SCUBE1: variants seen among roughly 807,000 people sequenced by gnomAD.
SCUBE1 encodes the protein signal peptide, CUB and EGF-like domain-containing protein 1.
Under a neutral mutation model 124.4 loss-of-function variants are expected in SCUBE1, and 59 were observed. The ratio of observed to expected loss-of-function variants is 0.47; its 90% CI spans 0.38 to 0.59. SCUBE1 has a LOEUF of 0.59. SCUBE1 is among the 20% of genes least tolerant of loss of function. The pLI is 0.00. For missense variants in SCUBE1, 1,150 were observed against 1,371.2 expected (o/e 0.84, Z 2.55); for synonymous variants, 545 against 550.9 (o/e 0.99, Z 0.15).
At chr22:43,222,800 G>A in intron 11 of SCUBE1, 58 bp from the exon 12 acceptor site, 1 of 1,327,388 alleles carries the variant, frequency 7.5e-7, no homozygotes, top group Non-Finnish European at 1.1e-6. Flanking sequence ...ACGGCCCTCA[G>A]ATTCTTGGGG....
intron 3 of SCUBE1, among the ~76,000 whole-genome samples, chr22:43,300,159 T>A (rs982937635): frequency 3.3e-5 from 5 of 152,174 alleles, no homozygotes; most frequent in African/African-American, 1.2e-4. Context: ...CACTGTCACA[T>A]CATCTGGTAA....
chr22:43,322,365 C>T (rs1926587022), intron 2 of SCUBE1, among the ~76,000 whole-genome samples: 1 of 152,164 alleles, frequency 6.6e-6, no homozygotes, highest in South Asian at 2.1e-4. Flanking sequence ...CCCAGATAGA[C>T]TAATGCAACC....
chr22:43,235,422 A>G (rs578076548), intron 7 of SCUBE1, among the ~76,000 whole-genome samples: 1 of 152,230 alleles, frequency 6.6e-6, no homozygotes, highest in Non-Finnish European at 1.5e-5. Flanking sequence ...ACCATCCTGG[A>G]GTGCCCAGCA....
intron 3 of SCUBE1, among the ~76,000 whole-genome samples, chr22:43,295,724 T>C (rs78461887): frequency 5.6e-4 from 86 of 152,300 alleles, no homozygotes; most frequent in Non-Finnish European, 1.0e-3. Context: ...CAGACCGAAG[T>C]TTTTCTTGCC....
intron 9 of SCUBE1, 134 bp from the exon 10 acceptor site, chr22:43,227,630 A>T: frequency 9.0e-7 from 1 of 1,113,524 alleles, no homozygotes; most frequent in Non-Finnish European, 1.3e-6. Context: ...GATGCAGATG[A>T]GCAGTGCACA....
At position 43,255,835 on chromosome 22, in the gene SCUBE1, G is replaced by A. The variant is rs1923640179; in HGVS notation, c.727+2384C>T. ...TGACCACAAAGTGACCTGGGACACA[G>A]AGGGGACTCAGGGCCCATGGGCAAG... On this transcript the variant is annotated intron_variant, in intron 6 of 21. Coordinates refer to ENST00000360835, the MANE Select transcript of SCUBE1 (RefSeq NM_173050.5). The surrounding 1 kb of genome is among the most constrained non-coding windows in gnomAD (Gnocchi z 4.7). Among the ~76,000 whole-genome samples, 1 of 152,222 alleles carries A rather than the reference G, an allele frequency of 6.6e-6. No homozygotes were observed. Among genetic ancestry groups the A allele is most frequent in the Non-Finnish European group, 1.5e-5 (1 of 68,038 alleles).
At chr22:43,264,877 C>T (rs1341459116) in intron 4 of SCUBE1, among the ~76,000 whole-genome samples, 1 of 152,268 alleles carries the variant, frequency 6.6e-6, no homozygotes, top group Non-Finnish European at 1.5e-5. Context: ...CCCAAAGCCT[C>T]CTGGCTCCTG....
intron 17 of SCUBE1, among the ~76,000 whole-genome samples, chr22:43,212,155 G>C (rs1170012769): frequency 6.6e-6 from 1 of 151,406 alleles, no homozygotes; most frequent in Middle Eastern, 3.2e-3. Context: ...TCTAGATGCT[G>C]CTCAAGGCCT....
intron 4 of SCUBE1, among the ~76,000 whole-genome samples, chr22:43,274,919 A>G (rs935436219): frequency 3.3e-5 from 5 of 152,174 alleles, no homozygotes; most frequent in African/African-American, 1.2e-4. Context: ...GGCTCGGGGC[A>G]CAGTAGGTAC....
chr22:43,214,106 G>C lies in SCUBE1; in HGVS notation c.2037C>G (p.Asn679Lys). ...CGCACTTGCCTCCACATTCCGACAC[G>C]TTGCGGGCACCAGGCAGACCAAGCC... ...SDGLGLPGARNVSECGGQCSP... is the reference protein window; with the variant it reads ...SDGLGLPGARKVSECGGQCSP... The change falls in exon 16 of 22, where the codon AAC becomes AAG. Residue 679 changes from asparagine (N) to lysine (K), a missense_variant. By Grantham distance (94) the Asn-to-Lys change is moderately conservative (BLOSUM62 0). Around this residue, in one of 3 missense-constraint regions of SCUBE1, gnomAD observed 757 missense variants for 840.9 expected, o/e 0.90. Transcript: ENST00000360835. 7.3e-7 allele frequency: 1 copy of C among 1,369,298 alleles called. No individual in the cohort carries two copies. Among genetic ancestry groups the C allele is most frequent in the South Asian group, 1.1e-5 (1 of 87,118 alleles). The allele number at this position is 1,369,298 out of a possible 1,614,324, so 84.8% of individuals were successfully genotyped here.
chr22:43,294,271 T>C (rs1433560796), intron 3 of SCUBE1, among the ~76,000 whole-genome samples: 1 of 152,112 alleles, frequency 6.6e-6, no homozygotes, highest in Non-Finnish European at 1.5e-5. Context: ...ATGACCAGCA[T>C]CTCTAGGGAA....
Position 43,212,526 on chromosome 22 carries a change from G to C in SCUBE1, c.2120C>G (p.Thr707Arg). ...FKPCQACPVG[T>R]YQPEPGRTGC... ...GGTGCGCCCGGGCTCAGGCTGGTAC[G>C]TGCCCACGGGGCAGGCCTGGCAGGG... Residue 707 changes from threonine to arginine, a missense_variant, in exon 17 of 22, where the codon ACG becomes AGG. By Grantham distance (71) the Thr-to-Arg change is moderately conservative (BLOSUM62 -1). Coordinates refer to ENST00000360835, the MANE Select transcript of SCUBE1 (RefSeq NM_173050.5). 6.4e-7 allele frequency: 1 copy of C among 1,561,646 alleles called. No homozygotes were observed. Among genetic ancestry groups the C allele is most frequent in the Non-Finnish European group, 8.7e-7 (1 of 1,153,456 alleles).
Position 43,201,362 on chromosome 22 carries a change from A to AAAAAC in SCUBE1, c.*2630_*2634dup, listed in dbSNP as rs1921007309. ...AAAAGAAAACAAAAAACAAAACAAA[A>AAAAAC]AAAACAAAACAAAAACATTTAAGTG... On this transcript the variant is annotated 3_prime_UTR_variant, in exon 22 of 22. Transcript: ENST00000360835. 1 of 149,262 alleles carries AAAAAC rather than the reference A, an allele frequency of 6.7e-6. No individual in the cohort carries two copies. The highest frequency in any genetic ancestry group is 2.1e-4 in the South Asian group (1 of 4,782). 9.2% of individuals were successfully genotyped at this position (149,262 alleles called of 1,614,324 possible).
Position 43,227,417 on chromosome 22 carries a change from A to G in SCUBE1, c.1164T>C (p.Cys388=), listed in dbSNP as rs1922364827. The stretch of plus-strand genomic sequence containing the variant: ...TCCAGTGGAGCCGCCTCCCCGGGGG[A>G]CAGACGCACTCGTAGCTGCCCTTGG... The part of the protein sequence containing the change: ...VNTKGSYECV[C]PPGRRLHWNG... The change falls in exon 10 of 22, where the codon TGT becomes TGC. Residue 388 remains cysteine (C), a synonymous_variant. Coordinates refer to ENST00000360835, the MANE Select transcript of SCUBE1 (RefSeq NM_173050.5). 1 of 1,612,744 alleles carries G rather than the reference A, an allele frequency of 6.2e-7. No homozygotes were observed. The highest frequency in any genetic ancestry group is 8.5e-7 in the Non-Finnish European group (1 of 1,179,818).
intron 10 of SCUBE1, 90 bp from the exon 11 acceptor site, chr22:43,223,306 C>T (rs1922177642): frequency 4.4e-6 from 6 of 1,366,462 alleles, no homozygotes; most frequent in South Asian, 3.0e-5. Context: ...CTAATGGGGA[C>T]TCCCCCAACT....
intron 4 of SCUBE1, 56 bp downstream of exon 4, chr22:43,290,990 C>T: frequency 6.6e-7 from 1 of 1,505,122 alleles, no homozygotes; most frequent in Non-Finnish European, 9.0e-7. Flanking sequence ...GAAGGGGACT[C>T]TGGGGGCTGC....
Position 43,209,056 on chromosome 22 carries a change from C to T in SCUBE1, c.2582-832G>A, listed in dbSNP as rs1256493542. 3.3e-5 allele frequency among the ~76,000 whole-genome samples: 5 copies of T among 152,212 alleles called. No individual in the cohort carries two copies. In the South Asian group the frequency reaches 6.2e-4, roughly 19 times the overall value. Reference sequence around the variant, plus strand: ...ACGGGTGGGGAATGTGGTCCCAGGCCGGTCCCTTGCCCATCCGCACACTGC... The same window carrying T: ...ACGGGTGGGGAATGTGGTCCCAGGCTGGTCCCTTGCCCATCCGCACACTGC... On this transcript the variant is annotated intron_variant, in intron 19 of 21. Transcript: ENST00000360835.
intron 7 of SCUBE1, among the ~76,000 whole-genome samples, chr22:43,235,286 T>TG (rs1922712571): frequency 6.6e-6 from 1 of 151,474 alleles, no homozygotes; most frequent in South Asian, 2.1e-4. Flanking sequence ...GGCAGGGCGA[T>TG]GGGGTGAGCT....
chr22:43,216,524 G>A (rs532216186), intron 15 of SCUBE1, among the ~76,000 whole-genome samples: 43 of 151,878 alleles, frequency 2.8e-4, no homozygotes, highest in Admixed American at 3.3e-4. Context: ...ACGGTGGCGC[G>A]CACCTGTAGT....
Sources: allele counts gnomAD v4.1 joint callset (sites outside exome capture counted in the v4.1 genomes callset), GRCh38; gene constraint gnomAD v4.1.1; regional missense constraint gnomAD v4.1.1; non-coding constraint Gnocchi (gnomAD v3.1); transcripts MANE v1.5; gene names NCBI Gene and HGNC (gene_info 2026-07-23, HGNC 2026-07-21).